TCERG1L: variants seen among roughly 807,000 people sequenced by gnomAD.
TCERG1L encodes transcription elongation regulator 1 like.
A neutral mutation model predicts 56.3 loss-of-function variants in TCERG1L; 37 were observed. That is an observed-to-expected ratio of 0.66 (90% CI 0.51 to 0.87). The LOEUF (loss-of-function observed/expected upper bound fraction) is 0.87, where lower values mean the gene tolerates loss of function less well. TCERG1L is among the 40% of genes least tolerant of loss of function. The pLI, the probability that TCERG1L is intolerant of heterozygous loss-of-function variation, is 0.00. For synonymous variants in TCERG1L, 324 were observed against 326.3 expected, an observed-to-expected ratio of 0.99 and a Z score of 0.08; for missense variants, 799 against 774.2, an observed-to-expected ratio of 1.03 and a Z score of -0.38.
intron 3 of TCERG1L, among the ~76,000 whole-genome samples, chr10:131,276,661 TA>T (rs1158762289): frequency 2.6e-5 from 4 of 152,178 alleles, no homozygotes; most frequent in Non-Finnish European, 5.9e-5. Context: ...CTATCTTGGT[TA>T]TGAAATTAAG....
rs547238076 is a variant in TCERG1L at position 131,186,398 on chromosome 10, A to G, written c.857-19513T>C. Among the ~76,000 whole-genome samples, 3 of 152,350 alleles carry G rather than the reference A, an allele frequency of 2.0e-5. No individual in the cohort carries two copies. In the East Asian group the frequency reaches 5.8e-4, roughly 29 times the overall value. On this transcript the variant is annotated intron_variant, in intron 4 of 11. Coordinates refer to ENST00000368642, the MANE Select transcript of TCERG1L (RefSeq NM_174937.4). ...CAATAAAGAAGAGAAAAGGTAATAAAAATAGACATACAGATTATCAATCCA... is the reference window on the plus strand; with the variant it reads ...CAATAAAGAAGAGAAAAGGTAATAAGAATAGACATACAGATTATCAATCCA...
chr10:131,257,454 A>G (rs1349675495), intron 4 of TCERG1L, among the ~76,000 whole-genome samples: 2 of 152,224 alleles, frequency 1.3e-5, no homozygotes, highest in South Asian at 2.1e-4. Flanking sequence ...CGAATTCAGC[A>G]CAATCTTTAT....
At chr10:131,101,131 C>A (rs1845300517) in intron 10 of TCERG1L, among the ~76,000 whole-genome samples, 1 of 152,362 alleles carries the variant, frequency 6.6e-6, no homozygotes, top group Admixed American at 6.5e-5. Context: ...CCAGCCCAGG[C>A]AGGCCCAACT....
chr10:131,269,361 A>G (rs1750920976), intron 3 of TCERG1L, among the ~76,000 whole-genome samples: 1 of 151,874 alleles, frequency 6.6e-6, no homozygotes, highest in African/African-American at 2.4e-5. Flanking sequence ...TCATTTTTGT[A>G]TTTTCAGTAG....
intron 7 of TCERG1L, among the ~76,000 whole-genome samples, chr10:131,143,702 GCA>G (rs1564800450): frequency 6.6e-6 from 1 of 152,156 alleles, no homozygotes; most frequent in African/African-American, 2.4e-5. Flanking sequence ...CAACACACCA[GCA>G]CCCTCCAAAC....
chr10:131,109,483 T>C (rs978401493), intron 9 of TCERG1L, among the ~76,000 whole-genome samples: 1 of 152,086 alleles, frequency 6.6e-6, no homozygotes, highest in African/African-American at 2.4e-5. Context: ...TGTGTCTGTG[T>C]CTGTGTCTGT....
chr10:131,218,532 T>C (rs1359501122), intron 4 of TCERG1L, among the ~76,000 whole-genome samples: 1 of 152,166 alleles, frequency 6.6e-6, no homozygotes, highest in Non-Finnish European at 1.5e-5. Flanking sequence ...TCGTTCTTGT[T>C]GCCCAGGCTG....
chr10:131,191,354 C>A (rs546090098), intron 4 of TCERG1L, among the ~76,000 whole-genome samples: 2 of 144,074 alleles, frequency 1.4e-5, no homozygotes, highest in South Asian at 4.3e-4. Flanking sequence ...ATACCAACAT[C>A]ATGTGTCACA....
At chr10:131,219,748 C>T (rs559931686) in intron 4 of TCERG1L, among the ~76,000 whole-genome samples, 22 of 152,310 alleles carry the variant, frequency 1.4e-4, no homozygotes, top group African/African-American at 5.1e-4. Context: ...CCTGAGTGTC[C>T]TGAGGGACCA....
intron 4 of TCERG1L, among the ~76,000 whole-genome samples, chr10:131,236,252 C>T (rs1026398033): frequency 6.6e-6 from 1 of 152,242 alleles, no homozygotes; most frequent in African/African-American, 2.4e-5. Flanking sequence ...GATCTATGAT[C>T]TAATGAATTT....
At chr10:131,285,524 GA>G (rs1564833941) in intron 3 of TCERG1L, among the ~76,000 whole-genome samples, 2,907 of 18,892 alleles carry the variant, frequency 0.15, 183 homozygotes, top group African/African-American at 0.26. Context: ...AAGAAAGAAA[GA>G]GAGAAAGAAA....
intron 4 of TCERG1L, among the ~76,000 whole-genome samples, chr10:131,177,813 C>T (rs945561838): frequency 1.3e-5 from 2 of 151,316 alleles, no homozygotes; most frequent in African/African-American, 2.4e-5. Context: ...GGATCGATGC[C>T]CCCCATGTCT....
At chr10:131,143,346 C>T (rs1845758146) in intron 7 of TCERG1L, among the ~76,000 whole-genome samples, 1 of 152,126 alleles carries the variant, frequency 6.6e-6, no homozygotes, top group African/African-American at 2.4e-5. Context: ...TCCTCCTCGA[C>T]CCCTTGGAGG....
chr10:131,264,621 G>C (rs1364700750), intron 3 of TCERG1L, among the ~76,000 whole-genome samples: 5 of 152,160 alleles, frequency 3.3e-5, no homozygotes, highest in Non-Finnish European at 5.9e-5. Flanking sequence ...GGAAAGGCTC[G>C]GGCCCTGGGG....
chr10:131,257,945 T>C (rs1380572865), intron 4 of TCERG1L, among the ~76,000 whole-genome samples: 1 of 152,224 alleles, frequency 6.6e-6, no homozygotes, highest in African/African-American at 2.4e-5. Context: ...CTTCTGTAGA[T>C]AAATTAAAGG....
chr10:131,309,110 T>C, intron 2 of TCERG1L, 43 bp downstream of exon 2: 1 of 1,576,696 alleles, frequency 6.3e-7, no homozygotes, highest in South Asian at 1.2e-5. Flanking sequence ...GACAACTTAA[T>C]CATTAAAAGC....
chr10:131,278,865 C>T (rs990413854), intron 3 of TCERG1L, among the ~76,000 whole-genome samples: 8 of 152,104 alleles, frequency 5.3e-5, no homozygotes, highest in African/African-American at 1.4e-4. Flanking sequence ...CATGGGGCCT[C>T]GGGTCCCCTG....
At chr10:131,225,358 TGA>T (rs569505443) in intron 4 of TCERG1L, among the ~76,000 whole-genome samples, 205 of 152,260 alleles carry the variant, frequency 1.3e-3, no homozygotes, top group African/African-American at 4.9e-3. Context: ...CAGAAGAACC[TGA>T]GAGAAGCGGC....
intron 4 of TCERG1L, among the ~76,000 whole-genome samples, chr10:131,207,359 C>T (rs928870410): frequency 6.6e-6 from 1 of 152,190 alleles, no homozygotes; most frequent in African/African-American, 2.4e-5. Flanking sequence ...GTCTTGCTGC[C>T]GAGGCTTTGC....
Sources: allele counts gnomAD v4.1 joint callset (sites outside exome capture counted in the v4.1 genomes callset), GRCh38; gene constraint gnomAD v4.1.1; transcripts MANE v1.5; gene names NCBI Gene and HGNC (gene_info 2026-07-23, HGNC 2026-07-21).